AGAP1: variants seen among roughly 807,000 people sequenced by gnomAD.
AGAP1 encodes ArfGAP with GTPase domain, ankyrin repeat and PH domain 1.
Under a neutral mutation model 105.3 loss-of-function variants are expected in AGAP1, and 29 were observed. The observed-to-expected ratio is 0.28, with a 90% CI of 0.21 to 0.38. AGAP1 has a LOEUF of 0.38. Among genes scored for constraint, AGAP1 ranks in the 10% least tolerant of loss-of-function variants. AGAP1 has a pLI of 1.00. For synonymous variants in AGAP1, 509 were observed against 485.9 expected (o/e 1.05, Z -0.63); for missense variants, 998 against 1,165.1 (o/e 0.86, Z 2.09).
chr2:236,007,958 C>A (rs1381279829), intron 13 of AGAP1, among the ~76,000 whole-genome samples: 1 of 152,274 alleles, frequency 6.6e-6, no homozygotes, highest in Admixed American at 6.5e-5. Flanking sequence ...GAACAAATCT[C>A]ACAAGAAAGA....
chr2:235,819,977 C>G (rs1016028815), intron 9 of AGAP1, among the ~76,000 whole-genome samples: 1 of 145,090 alleles, frequency 6.9e-6, no homozygotes, highest in Non-Finnish European at 1.5e-5. Context: ...GATCTCAGCT[C>G]ACCGCAACCT....
At position 235,801,720 on chromosome 2, in the gene AGAP1, T is replaced by G. The variant is rs1957504054; in HGVS notation, c.957+2198T>G. ...AGGTGGGCTGTGGGCAGGCGGCCTG[T>G]GCCCCGGGAGGAGGGGCGGGCTTGT... On this transcript the variant is annotated intron_variant, in intron 8 of 17. Coordinates refer to ENST00000304032, the MANE Select transcript of AGAP1 (RefSeq NM_001037131.3). This position sits in a 1 kb window ranked among gnomAD's most constrained non-coding sequence, Gnocchi z 6.0. 6.6e-6 allele frequency among the ~76,000 whole-genome samples: 1 copy of G among 152,062 alleles called. No homozygotes were observed. Among genetic ancestry groups the G allele is most frequent in the African/African-American group, 2.4e-5 (1 of 41,408 alleles).
rs573747173 is a variant in AGAP1 at position 235,509,030 on chromosome 2, C to A, written c.163+14181C>A. On this transcript the variant is annotated intron_variant, in intron 1 of 17. Coordinates refer to ENST00000304032, the MANE Select transcript of AGAP1 (RefSeq NM_001037131.3). Reference sequence around the variant, plus strand: ...GCTTCCCACTCACTGGCATCCTAGCCGTGTGGGGTGTGTGCTCACCTGCAG... The same window carrying A: ...GCTTCCCACTCACTGGCATCCTAGCAGTGTGGGGTGTGTGCTCACCTGCAG... Among the ~76,000 whole-genome samples, 34 of 152,296 alleles carry A rather than the reference C, an allele frequency of 2.2e-4. 1 individual carries two copies. In the South Asian group the frequency reaches 6.8e-3, roughly 31 times the overall value.
chr2:236,016,256 C>G (rs1046182425), intron 13 of AGAP1, among the ~76,000 whole-genome samples: 1 of 151,954 alleles, frequency 6.6e-6, no homozygotes, highest in Non-Finnish European at 1.5e-5. Flanking sequence ...AACGGTCATT[C>G]ATTATCATTT....
At position 236,009,254 on chromosome 2, in the gene AGAP1, A is replaced by G. The variant is rs1189306292; in HGVS notation, c.1646-27307A>G. On this transcript the variant is annotated intron_variant, in intron 13 of 17. Coordinates refer to ENST00000304032, the MANE Select transcript of AGAP1 (RefSeq NM_001037131.3). This position sits in a 1 kb window ranked among gnomAD's most constrained non-coding sequence, Gnocchi z 4.2. ...TGAGCAAATGAACGTTCAAATGGCC[A>G]GCACAAAAGAAATCCCCAATCTCTA... 6.6e-6 allele frequency among the ~76,000 whole-genome samples: 1 copy of G among 152,232 alleles called. No individual in the cohort carries two copies. The highest frequency in any genetic ancestry group is 1.9e-4 in the East Asian group (1 of 5,200).
rs943799169 is a variant in AGAP1 at position 236,082,094 on chromosome 2, C to A, written c.2114+32813C>A. On this transcript the variant is annotated intron_variant, in intron 16 of 17. Coordinates refer to ENST00000304032, the MANE Select transcript of AGAP1 (RefSeq NM_001037131.3). This position sits in a 1 kb window ranked among gnomAD's most constrained non-coding sequence, Gnocchi z 4.2. ...ATGAAAGGTAAGGCTTCCTTCCTGC[C>A]GTTTCCTCTGGTGCCCTTTTCTTTC... is the stretch of plus-strand genomic sequence containing the variant. Among the ~76,000 whole-genome samples, 1 of 152,124 alleles carries A rather than the reference C, an allele frequency of 6.6e-6. No homozygotes were observed. The highest frequency in any genetic ancestry group is 2.4e-5 in the African/African-American group (1 of 41,414).
At position 236,073,976 on chromosome 2, in the gene AGAP1, C is replaced by T. The variant is rs2058572245; in HGVS notation, c.2114+24695C>T. ...GGTGCCAAGGTCTCCTCCAGGAGCA[C>T]AGGTTCTCACCTGGGGCTGATCTGC... On this transcript the variant is annotated intron_variant, in intron 16 of 17. Transcript: ENST00000304032. The surrounding 1 kb of genome is among the most constrained non-coding windows in gnomAD (Gnocchi z 5.4). Among the ~76,000 whole-genome samples the T allele has an allele frequency of 6.6e-6, 1 of 152,192 alleles. No individual in the cohort carries two copies. Among genetic ancestry groups the T allele is most frequent in the South Asian group, 2.1e-4 (1 of 4,824 alleles).
At chr2:236,013,395 T>C (rs2056585556) in intron 13 of AGAP1, among the ~76,000 whole-genome samples, 1 of 152,186 alleles carries the variant, frequency 6.6e-6, no homozygotes, top group Non-Finnish European at 1.5e-5. Flanking sequence ...CAGCCTCAGC[T>C]GTAGTGTTCG....
chr2:235,643,335 G>A (rs1202945967), intron 1 of AGAP1, among the ~76,000 whole-genome samples: 2 of 149,328 alleles, frequency 1.3e-5, no homozygotes, highest in Non-Finnish European at 3.0e-5. Context: ...GGAGACTGAG[G>A]CAGGAGAATT....
rs967635895 is a variant in AGAP1 at position 235,614,775 on chromosome 2, G to A, written c.164-94404G>A. Among the ~76,000 whole-genome samples the A allele has an allele frequency of 5.3e-5, 8 of 152,202 alleles. No individual in the cohort carries two copies. The highest frequency in any genetic ancestry group is 1.7e-4 in the African/African-American group (7 of 41,450). On this transcript the variant is annotated intron_variant, in intron 1 of 17. Coordinates refer to ENST00000304032, the MANE Select transcript of AGAP1 (RefSeq NM_001037131.3). This position sits in a 1 kb window ranked among gnomAD's most constrained non-coding sequence, Gnocchi z 4.7. The stretch of plus-strand genomic sequence containing the variant: ...TCTTTTGTGGGAAATAGAACACAGC[G>A]TTGGGTACCAAGAGGGTGCTGTCTT...
chr2:235,709,262 C>T (rs1411559012), intron 2 of AGAP1, 25 bp downstream of exon 2: 2 of 1,611,996 alleles, frequency 1.2e-6, no homozygotes, highest in African/African-American at 1.3e-5. Flanking sequence ...CTGGCCCTGG[C>T]ACCTGTGGGA....
At chr2:235,851,493 G>A (rs937313101) in intron 9 of AGAP1, among the ~76,000 whole-genome samples, 7 of 152,216 alleles carry the variant, frequency 4.6e-5, no homozygotes, top group Non-Finnish European at 2.9e-5. Flanking sequence ...CCTCGTTTCA[G>A]AGAATTTTTT....
In AGAP1 at chr2:236,095,195, G is replaced by A. The variant is rs2059162249; in HGVS notation, c.2115-24997G>A. On this transcript the variant is annotated intron_variant, in intron 16 of 17. Coordinates refer to ENST00000304032, the MANE Select transcript of AGAP1 (RefSeq NM_001037131.3). This position sits in a 1 kb window ranked among gnomAD's most constrained non-coding sequence, Gnocchi z 4.1. ...GTGGATTGCTTGAGCTCAGGAGTTC[G>A]AGACCAGCCTGGGAACTGTGGTGAA... Among the ~76,000 whole-genome samples the A allele has an allele frequency of 6.6e-6, 1 of 152,034 alleles. No homozygotes were observed. The highest frequency in any genetic ancestry group is 1.5e-5 in the Non-Finnish European group (1 of 68,010).
In AGAP1 at chr2:236,050,250, C is replaced by T. The variant is rs963592104; in HGVS notation, c.2114+969C>T. ...GAGCAGTAAGAACGTGAGAAGCGTT[C>T]GTGGACTTCAGTTCATTAACACTGA... On this transcript the variant is annotated intron_variant, in intron 16 of 17. Transcript: ENST00000304032. The surrounding 1 kb of genome is among the most constrained non-coding windows in gnomAD (Gnocchi z 4.0). 1.3e-5 allele frequency among the ~76,000 whole-genome samples: 2 copies of T among 152,292 alleles called. No individual in the cohort carries two copies. The highest frequency in any genetic ancestry group is 6.5e-5 in the Admixed American group (1 of 15,304).
intron 1 of AGAP1, among the ~76,000 whole-genome samples, chr2:235,645,316 A>T (rs1947337435): frequency 6.6e-6 from 1 of 152,224 alleles, no homozygotes; most frequent in African/African-American, 2.4e-5. Flanking sequence ...TCACATACCT[A>T]TCTCAAAGTT....
At position 236,050,509 on chromosome 2, in the gene AGAP1, G is replaced by A. The variant is rs1428113776; in HGVS notation, c.2114+1228G>A. Reference sequence around the variant, plus strand: ...CCGAAGAAATTATGCACTTTAAAAAGTATTTATCTTGATTTGTTTAATGCT... The same window carrying A: ...CCGAAGAAATTATGCACTTTAAAAAATATTTATCTTGATTTGTTTAATGCT... On this transcript the variant is annotated intron_variant, in intron 16 of 17. Transcript: ENST00000304032. The surrounding 1 kb of genome is among the most constrained non-coding windows in gnomAD (Gnocchi z 4.0). Among the ~76,000 whole-genome samples, 1 of 152,216 alleles carries A rather than the reference G, an allele frequency of 6.6e-6. No homozygotes were observed. The highest frequency in any genetic ancestry group is 2.1e-4 in the South Asian group (1 of 4,836).
rs1179307250 is a variant in AGAP1, at chr2:235,819,904, C to CTT, written c.1050+12588_1050+12589dup. On this transcript the variant is annotated intron_variant, in intron 9 of 17. Coordinates refer to ENST00000304032, the MANE Select transcript of AGAP1 (RefSeq NM_001037131.3). ...TGGCTTTTTTTTTTCTTCTTTCTTT[C>CTT]TTTTTTTTTTTTTTTTGAGACGGAG... 3.7e-3 allele frequency among the ~76,000 whole-genome samples: 487 copies of CTT among 130,244 alleles called. 24 individuals are homozygous for CTT. The highest frequency in any genetic ancestry group is 0.025 in the Admixed American group (303 of 12,360). The allele number at this position is 130,244 out of a possible 152,430, so 85.4% of individuals were successfully genotyped here. A position where few individuals can be genotyped will look rare whatever the true frequency, so the allele number is the denominator to read the frequency against.
At chr2:235,766,158 T>C (rs1162801085) in intron 6 of AGAP1, among the ~76,000 whole-genome samples, 1 of 152,242 alleles carries the variant, frequency 6.6e-6, no homozygotes, top group Non-Finnish European at 1.5e-5. Flanking sequence ...GTTATAATTG[T>C]TTTTAGTAAA....
chr2:235,891,852 C>T lies in AGAP1; in HGVS notation c.1155+8403C>T, dbSNP rs767516736. Reference sequence around the variant, plus strand: ...GGCAGACGTGCATGAACTGGTCAGACTTTTAAAAAACCTCCTTCTGGCCAG... The same window carrying T: ...GGCAGACGTGCATGAACTGGTCAGATTTTTAAAAAACCTCCTTCTGGCCAG... On this transcript the variant is annotated intron_variant, in intron 10 of 17. Transcript: ENST00000304032. The surrounding 1 kb of genome is among the most constrained non-coding windows in gnomAD (Gnocchi z 4.2). Among the ~76,000 whole-genome samples, 1 of 152,148 alleles carries T rather than the reference C, an allele frequency of 6.6e-6. No individual in the cohort carries two copies. The highest frequency in any genetic ancestry group is 6.5e-5 in the Admixed American group (1 of 15,282).
Sources: allele counts gnomAD v4.1 joint callset (sites outside exome capture counted in the v4.1 genomes callset), GRCh38; gene constraint gnomAD v4.1.1; non-coding constraint Gnocchi (gnomAD v3.1); transcripts MANE v1.5; gene names NCBI Gene and HGNC (gene_info 2026-07-23, HGNC 2026-07-21).